Variants in WDR70 observed in about 807,000 individuals in gnomAD.
The protein encoded by WDR70 is WD repeat-containing protein 70.
A neutral mutation model predicts 88.6 loss-of-function variants in WDR70; 53 were observed. That is an observed-to-expected ratio of 0.60 (90% CI 0.48 to 0.75). WDR70 has a LOEUF of 0.75. WDR70 is among the 30% of genes least tolerant of loss of function. The pLI, the probability that WDR70 is intolerant of heterozygous loss-of-function variation, is 0.00. For missense variants in WDR70, 610 were observed against 823.2 expected (o/e 0.74, Z 3.17); for synonymous variants, 280 against 270.0 (o/e 1.04, Z -0.36).
intron 9 of WDR70, among the ~76,000 whole-genome samples, chr5:37,570,458 C>T (rs1307561113): frequency 6.6e-6 from 1 of 151,984 alleles, no homozygotes; most frequent in Non-Finnish European, 1.5e-5. Context: ...CTTTGAGAGT[C>T]ATAAGTATTT....
chr5:37,481,436 G>C (rs4607371), intron 8 of WDR70, among the ~76,000 whole-genome samples: 15,787 of 152,124 alleles, frequency 0.1, 959 homozygotes, highest in South Asian at 0.2. Context: ...TGACTTCTGT[G>C]CATCTGCAGG....
intron 9 of WDR70, among the ~76,000 whole-genome samples, chr5:37,585,989 C>G (rs1356993727): frequency 6.6e-6 from 1 of 152,176 alleles, no homozygotes; most frequent in Non-Finnish European, 1.5e-5. Flanking sequence ...GATATCAGAT[C>G]ATTTACCATT....
intron 10 of WDR70, among the ~76,000 whole-genome samples, chr5:37,639,431 C>T (rs897294629): frequency 1.3e-5 from 2 of 152,242 alleles, no homozygotes; most frequent in African/African-American, 4.8e-5. Flanking sequence ...AAATTACTCT[C>T]TAAATACTTT....
At chr5:37,568,159 C>A (rs985239125) in intron 9 of WDR70, among the ~76,000 whole-genome samples, 1 of 152,044 alleles carries the variant, frequency 6.6e-6, no homozygotes, top group Admixed American at 6.6e-5. Context: ...ACCCATCCAC[C>A]CACCTGGCTC....
At position 37,387,443 on chromosome 5, in the gene WDR70, G is replaced by C. The variant is rs539813070; in HGVS notation, c.176-4557G>C. Among the ~76,000 whole-genome samples the C allele has an allele frequency of 9.2e-5, 14 of 152,256 alleles. No homozygotes were observed. In the South Asian group the frequency reaches 2.9e-3, roughly 32 times the overall value. On this transcript the variant is annotated intron_variant, in intron 3 of 17. Coordinates refer to ENST00000265107, the MANE Select transcript of WDR70 (RefSeq NM_018034.4). ...TTTTGAAAAATTGTCTCAAGACTAT[G>C]ATCTCCTTTGATTTTTGTGGACAAA...
intron 3 of WDR70, among the ~76,000 whole-genome samples, chr5:37,390,199 AT>A (rs1370780352): frequency 5.9e-5 from 9 of 151,542 alleles, no homozygotes; most frequent in African/African-American, 1.5e-4. Context: ...TATTTTAAAT[AT>A]TTTTTTGTCT....
chr5:37,472,455 A>G (rs1739355068), intron 7 of WDR70, among the ~76,000 whole-genome samples: 1 of 152,100 alleles, frequency 6.6e-6, no homozygotes, highest in Non-Finnish European at 1.5e-5. Flanking sequence ...TTGCATGAAT[A>G]TACCAAATGT....
chr5:37,724,344 C>G (rs1461840969), intron 15 of WDR70: 1 of 152,094 alleles, frequency 6.6e-6, no homozygotes, highest in East Asian at 1.9e-4. Context: ...TACCATATAG[C>G]AGGAGGGATA....
In WDR70 at chr5:37,752,535, G is replaced by C. The variant is rs755725947; in HGVS notation, c.1927G>C (p.Ala643Pro). 1 of 1,612,944 alleles carries C rather than the reference G, an allele frequency of 6.2e-7. No homozygotes were observed. The highest frequency in any genetic ancestry group is 1.1e-5 in the South Asian group (1 of 90,900). Residue 643 changes from alanine to proline, a missense_variant, in exon 18 of 18, where the codon GCA becomes CCA. Physicochemically the swap from Ala to Pro is conservative, Grantham distance 27. Coordinates refer to ENST00000265107, the MANE Select transcript of WDR70 (RefSeq NM_018034.4). The part of the protein sequence containing the change: ...FAQVESDDEE[A>P]KNEPEWKKRK... Reference sequence around the variant, plus strand: ...CCAAGTTGAATCTGATGATGAGGAAGCAAAGAATGAGCCAGAATGGAAAAA... The same window carrying C: ...CCAAGTTGAATCTGATGATGAGGAACCAAAGAATGAGCCAGAATGGAAAAA...
At chr5:37,487,542 A>G (rs1739911771) in intron 8 of WDR70, among the ~76,000 whole-genome samples, 1 of 148,040 alleles carries the variant, frequency 6.8e-6, no homozygotes. Context: ...AAGTTGTTAT[A>G]TTATTAAATT....
At chr5:37,551,309 C>T (rs539988203) in intron 9 of WDR70, among the ~76,000 whole-genome samples, 10 of 150,098 alleles carry the variant, frequency 6.7e-5, no homozygotes, top group East Asian at 4.0e-4. Flanking sequence ...TTGTTCCCCC[C>T]CTCCGCAAAA....
At chr5:37,647,940 C>G (rs553242580) in intron 10 of WDR70, among the ~76,000 whole-genome samples, 51 of 152,262 alleles carry the variant, frequency 3.3e-4, no homozygotes, top group Admixed American at 2.0e-3. Context: ...ACCATCAGAT[C>G]TCATGAGAAA....
chr5:37,627,212 C>T (rs1744693361), intron 10 of WDR70, among the ~76,000 whole-genome samples: 1 of 152,064 alleles, frequency 6.6e-6, no homozygotes, highest in African/African-American at 2.4e-5. Flanking sequence ...CCTCTGCCAC[C>T]TGAGTAGCTG....
At position 37,418,611 on chromosome 5, in the gene WDR70, T is replaced by C. The variant is rs77742217; in HGVS notation, c.493-19311T>C. On this transcript the variant is annotated intron_variant, in intron 5 of 17. Coordinates refer to ENST00000265107, the MANE Select transcript of WDR70 (RefSeq NM_018034.4). ...AAAAAAGTTAGGATGTTCTCCTTTG[T>C]ATCATTTATCATTTCTTATAGCCAT... Among the ~76,000 whole-genome samples, 280 of 152,360 alleles carry C rather than the reference T, an allele frequency of 1.8e-3. 4 individuals are homozygous for C. The East Asian group carries it at 0.023, about 12-fold the overall frequency.
In WDR70 at chr5:37,737,084, C is replaced by A. The variant is rs1393268533; in HGVS notation, c.1877+10039C>A. 2.6e-5 allele frequency among the ~76,000 whole-genome samples: 4 copies of A among 152,018 alleles called. No individual in the cohort carries two copies. The East Asian group carries it at 5.8e-4, about 22-fold the overall frequency. The stretch of plus-strand genomic sequence containing the variant: ...TACATACTGCTTTTGGGAAATACAT[C>A]TATTATATGAAGTGAGGAACACCTG... On this transcript the variant is annotated intron_variant, in intron 17 of 17. Coordinates refer to ENST00000265107, the MANE Select transcript of WDR70 (RefSeq NM_018034.4).
intron 7 of WDR70, among the ~76,000 whole-genome samples, chr5:37,455,134 T>A (rs1738790880): frequency 6.6e-6 from 1 of 152,234 alleles, no homozygotes; most frequent in Admixed American, 6.5e-5. Flanking sequence ...TCTCATGTCT[T>A]TCAAGTATTA....
At chr5:37,673,909 C>A (rs1746111316) in intron 10 of WDR70, among the ~76,000 whole-genome samples, 3 of 152,062 alleles carry the variant, frequency 2.0e-5, no homozygotes. Flanking sequence ...AGGATAATGG[C>A]CTCCACCTCC....
At chr5:37,678,476 C>T (rs940030929) in intron 10 of WDR70, among the ~76,000 whole-genome samples, 4 of 152,104 alleles carry the variant, frequency 2.6e-5, no homozygotes, top group South Asian at 2.1e-4. Context: ...GATTTTATTT[C>T]TCCTTCACTT....
At chr5:37,695,306 C>T (rs2112646967) in intron 10 of WDR70, among the ~76,000 whole-genome samples, 1 of 152,300 alleles carries the variant, frequency 6.6e-6, no homozygotes, top group African/African-American at 2.4e-5. Flanking sequence ...CAAGTCCCAC[C>T]TCCAACATTG....
Sources: allele counts gnomAD v4.1 joint callset (sites outside exome capture counted in the v4.1 genomes callset), GRCh38; gene constraint gnomAD v4.1.1; transcripts MANE v1.5; gene names NCBI Gene and HGNC (gene_info 2026-07-23, HGNC 2026-07-21).